RAPGEF5: variants seen among roughly 807,000 people sequenced by gnomAD.
RAPGEF5 encodes the protein M-Ras-regulated GEF.
A neutral mutation model predicts 125.2 loss-of-function variants in RAPGEF5; 65 were observed. That is an observed-to-expected ratio of 0.52 (90% CI 0.43 to 0.64). RAPGEF5 has a LOEUF of 0.64. Among genes scored for constraint, RAPGEF5 ranks in the 30% least tolerant of loss-of-function variants. The probability of loss-of-function intolerance (pLI) is 0.00; values close to 1 mark genes in which losing one functional copy is unlikely to be tolerated. For synonymous variants in RAPGEF5, 391 were observed against 385.9 expected (o/e 1.01, Z -0.16); for missense variants, 958 against 1,048.1 (o/e 0.91, Z 1.19).
chr7:22,193,791 G>A (rs762167946), intron 10 of RAPGEF5, 124 bp downstream of exon 10: 4 of 1,605,166 alleles, frequency 2.5e-6, no homozygotes, highest in Admixed American at 3.4e-5. Context: ...GAGAGGCGGA[G>A]AGAAAAGAGA....
At chr7:22,345,818 G>A (rs956739877) in intron 1 of RAPGEF5, among the ~76,000 whole-genome samples, 2 of 151,652 alleles carry the variant, frequency 1.3e-5, no homozygotes, top group Non-Finnish European at 2.9e-5. Flanking sequence ...GACACATAGG[G>A]TTGCTGCCAC....
intron 1 of RAPGEF5, among the ~76,000 whole-genome samples, chr7:22,319,084 A>G (rs1177592237): frequency 2.6e-5 from 4 of 152,222 alleles, no homozygotes; most frequent in Non-Finnish European, 5.9e-5. Context: ...CTAATGATCC[A>G]GGAAACAGCA....
chr7:22,306,926 C>A (rs1339499547), intron 5 of RAPGEF5, among the ~76,000 whole-genome samples: 1 of 152,148 alleles, frequency 6.6e-6, no homozygotes, highest in African/African-American at 2.4e-5. Context: ...TGTTTTCATG[C>A]AATTACCATG....
At chr7:22,164,088 C>T (rs2128113336) in intron 12 of RAPGEF5, among the ~76,000 whole-genome samples, 2 of 152,236 alleles carry the variant, frequency 1.3e-5, no homozygotes, top group African/African-American at 4.8e-5. Flanking sequence ...AATCCCAGCG[C>T]TTTGGGAGGC....
intron 1 of RAPGEF5, 66 bp downstream of exon 1, chr7:22,356,763 CG>C (rs981869496): frequency 2.6e-5 from 24 of 908,736 alleles, no homozygotes; most frequent in East Asian, 1.6e-4. Flanking sequence ...CTCAGCGGCC[CG>C]GGGGGTGGGC....
intron 17 of RAPGEF5, among the ~76,000 whole-genome samples, chr7:22,151,506 GGCTAGAGT>G (rs1172854389): frequency 6.9e-6 from 1 of 145,268 alleles, no homozygotes; most frequent in Non-Finnish European, 1.5e-5. Context: ...CTGTCACCCA[GGCTAGAGT>G]GCACTAGTGT....
chr7:22,328,509 G>T (rs61093097), intron 1 of RAPGEF5, among the ~76,000 whole-genome samples: 2 of 152,114 alleles, frequency 1.3e-5, no homozygotes, highest in East Asian at 1.9e-4. Flanking sequence ...GTCAATTTTT[G>T]TATATACAAA....
At chr7:22,335,710 AAACAACAACAAC>A in intron 1 of RAPGEF5, among the ~76,000 whole-genome samples, 1 of 137,698 alleles carries the variant, frequency 7.3e-6, no homozygotes, top group South Asian at 2.3e-4. Context: ...AAAAACAACA[AAACAACAACAAC>A]AACAACAACG....
intron 12 of RAPGEF5, 37 bp downstream of exon 12, chr7:22,167,033 G>C (rs914266473): frequency 6.6e-7 from 1 of 1,526,610 alleles, no homozygotes; most frequent in African/African-American, 1.4e-5. Context: ...TGTCTGAGAG[G>C]AAGTGGACAC....
At chr7:22,280,577 G>C (rs146639684) in intron 6 of RAPGEF5, among the ~76,000 whole-genome samples, 1 of 152,178 alleles carries the variant, frequency 6.6e-6, no homozygotes, top group Non-Finnish European at 1.5e-5. Flanking sequence ...CCAGGAGTGG[G>C]AATGAACCAG....
At chr7:22,332,761 C>G (rs1325302203) in intron 1 of RAPGEF5, among the ~76,000 whole-genome samples, 1 of 152,234 alleles carries the variant, frequency 6.6e-6, no homozygotes, top group African/African-American at 2.4e-5. Flanking sequence ...AAACACTTCT[C>G]ACAATCACAG....
chr7:22,186,215 C>T (rs1784821491), intron 11 of RAPGEF5, among the ~76,000 whole-genome samples: 1 of 152,170 alleles, frequency 6.6e-6, no homozygotes, highest in South Asian at 2.1e-4. Flanking sequence ...GGCTGATATC[C>T]TTATCAAACA....
At chr7:22,308,073 C>T (rs1783382910) in intron 5 of RAPGEF5, among the ~76,000 whole-genome samples, 1 of 152,136 alleles carries the variant, frequency 6.6e-6, no homozygotes, top group Non-Finnish European at 1.5e-5. Flanking sequence ...TAATTTAGAT[C>T]ATCTACTCCT....
chr7:22,307,251 T>C (rs866938090), intron 5 of RAPGEF5, among the ~76,000 whole-genome samples: 43 of 152,206 alleles, frequency 2.8e-4, no homozygotes, highest in African/African-American at 1.0e-3. Flanking sequence ...CAGTTTTCAT[T>C]ACAGAGATCT....
intron 1 of RAPGEF5, among the ~76,000 whole-genome samples, chr7:22,322,755 T>C (rs1258893995): frequency 2.0e-5 from 3 of 151,998 alleles, no homozygotes; most frequent in Admixed American, 6.5e-5. Context: ...GAAAAACAAA[T>C]AAAACAGGTA....
At chr7:22,158,011 G>A (rs1783867159) in intron 14 of RAPGEF5, 126 bp from the exon 15 acceptor site, 4 of 826,284 alleles carry the variant, frequency 4.8e-6, no homozygotes, top group Non-Finnish European at 7.8e-6. Flanking sequence ...ATAAAACACA[G>A]TATTCATTAA....
At chr7:22,315,336 G>C (rs920826158) in intron 3 of RAPGEF5, 34 bp downstream of exon 3, 3 of 1,526,060 alleles carry the variant, frequency 2.0e-6, no homozygotes, top group South Asian at 2.4e-5. Flanking sequence ...TCCTCAAAGA[G>C]AATTTCTGAC....
Position 22,189,786 on chromosome 7 carries a change from G to A in RAPGEF5, c.1204+3581C>T, listed in dbSNP as rs188818765. ...AATGAAGAACTATCAGACAAAAGAA[G>A]AAATGTTGAAAAATTTAGATGACAA... is the stretch of plus-strand genomic sequence containing the variant. On this transcript the variant is annotated intron_variant, in intron 11 of 25. Transcript: ENST00000665637. Among the ~76,000 whole-genome samples, 252 of 152,276 alleles carry A rather than the reference G, an allele frequency of 1.7e-3. 1 individual carries two copies. The highest frequency in any genetic ancestry group is 2.5e-3 in the South Asian group (12 of 4,820).
intron 1 of RAPGEF5, among the ~76,000 whole-genome samples, chr7:22,318,912 G>T (rs1170640233): frequency 6.6e-6 from 1 of 151,230 alleles, no homozygotes; most frequent in Non-Finnish European, 1.5e-5. Flanking sequence ...CTCCTTGAGG[G>T]AGGGCTGGCA....
Sources: allele counts gnomAD v4.1 joint callset (sites outside exome capture counted in the v4.1 genomes callset), GRCh38; gene constraint gnomAD v4.1.1; transcripts MANE v1.5; gene names NCBI Gene and HGNC (gene_info 2026-07-23, HGNC 2026-07-21).